Variants in RNLS observed in about 807,000 individuals in gnomAD.
The protein encoded by RNLS is renalase, FAD dependent amine oxidase, also known as renalase.
A neutral mutation model predicts 39.8 loss-of-function variants in RNLS; 39 were observed. The observed-to-expected ratio is 0.98, with a 90% CI of 0.76 to 1.28. RNLS has a LOEUF of 1.28. RNLS is among the 50% of genes most tolerant of loss of function. The pLI is 0.00. For missense variants in RNLS, 410 were observed against 413.3 expected (o/e 0.99, Z 0.07); for synonymous variants, 147 against 150.7 (o/e 0.98, Z 0.18).
At chr10:88,557,186 C>A (rs1440354305) in intron 4 of RNLS, among the ~76,000 whole-genome samples, 1 of 152,060 alleles carries the variant, frequency 6.6e-6, no homozygotes, top group African/African-American at 2.4e-5. Context: ...TTATAAGATG[C>A]AAAAAGTATC....
At chr10:88,504,613 G>A (rs975116013) in intron 4 of RNLS, among the ~76,000 whole-genome samples, 11 of 151,840 alleles carry the variant, frequency 7.2e-5, no homozygotes, top group Non-Finnish European at 1.0e-4. Context: ...GAATAACAAA[G>A]AAACAATTGT....
rs191177629 is a variant in RNLS at position 88,320,665 on chromosome 10, A to G, written c.701-6024T>C. ...TTGCTATTCCTGTGTGAGATAGAAGAGACTTTAAAACAAACACATTAAAAA... is the reference window on the plus strand; with the variant it reads ...TTGCTATTCCTGTGTGAGATAGAAGGGACTTTAAAACAAACACATTAAAAA... On this transcript the variant is annotated intron_variant, in intron 5 of 6. Transcript: ENST00000331772. Among the ~76,000 whole-genome samples the G allele has an allele frequency of 3.5e-4, 53 of 150,360 alleles. 1 individual carries two copies. In the East Asian group the frequency reaches 6.6e-3, roughly 19 times the overall value.
intron 5 of RNLS, among the ~76,000 whole-genome samples, chr10:88,337,090 C>A (rs903551819): frequency 1.3e-5 from 2 of 152,130 alleles, no homozygotes; most frequent in Non-Finnish European, 2.9e-5. Flanking sequence ...ATTGCCCTCA[C>A]AAATTGATTT....
chr10:88,453,510 C>T (rs1003798935), intron 4 of RNLS, among the ~76,000 whole-genome samples: 3 of 152,148 alleles, frequency 2.0e-5, no homozygotes, highest in Admixed American at 2.0e-4. Flanking sequence ...CAGCCCAATC[C>T]AGTTTCTTTC....
chr10:88,227,082 C>T, the RNLS span, among the ~76,000 whole-genome samples: 1 of 152,128 alleles, frequency 6.6e-6, no homozygotes, highest in Non-Finnish European at 1.5e-5. Flanking sequence ...TTTTGGACTA[C>T]AACAGCAGAG....
intron 4 of RNLS, among the ~76,000 whole-genome samples, chr10:88,492,935 T>A (rs930937973): frequency 1.3e-5 from 2 of 152,194 alleles, no homozygotes; most frequent in African/African-American, 4.8e-5. Context: ...GATAAAGTTC[T>A]GAACATGAAA....
At chr10:88,475,073 T>C (rs1190273116) in intron 4 of RNLS, among the ~76,000 whole-genome samples, 3 of 151,982 alleles carry the variant, frequency 2.0e-5, no homozygotes, top group African/African-American at 4.8e-5. Context: ...TCCAAGAAGA[T>C]AGAAAGGTGA....
chr10:88,212,301 C>T, the RNLS span, among the ~76,000 whole-genome samples: 1 of 152,126 alleles, frequency 6.6e-6, no homozygotes, highest in Non-Finnish European at 1.5e-5. Context: ...TTTTCCCCTC[C>T]TCTTGGTACT....
chr10:88,436,014 T>C (rs372611927), intron 4 of RNLS, among the ~76,000 whole-genome samples: 2 of 151,662 alleles, frequency 1.3e-5, no homozygotes, highest in Admixed American at 6.6e-5. Context: ...AGGAGGGAGA[T>C]TGAGGTGGGA....
chr10:88,526,615 C>T (rs550807432), intron 4 of RNLS, among the ~76,000 whole-genome samples: 4 of 151,840 alleles, frequency 2.6e-5, no homozygotes, highest in African/African-American at 2.4e-5. Flanking sequence ...AATTTAAAAA[C>T]GTAGCCAGGC....
the RNLS span, among the ~76,000 whole-genome samples, chr10:88,244,691 C>CT: frequency 0.082 from 10,411 of 126,376 alleles, 407 homozygotes; most frequent in East Asian, 0.14. Context: ...GGTTTTCATG[C>CT]TTTTTTTTTT....
chr10:88,208,756 A>C, the RNLS span, among the ~76,000 whole-genome samples: 1 of 152,244 alleles, frequency 6.6e-6, no homozygotes, highest in Non-Finnish European at 1.5e-5. Flanking sequence ...TAACTACACA[A>C]ATCTTGGAGA....
chr10:88,178,828 A>G, the RNLS span, among the ~76,000 whole-genome samples: 1 of 152,208 alleles, frequency 6.6e-6, no homozygotes, highest in Non-Finnish European at 1.5e-5. Context: ...GGAGAAACAC[A>G]TACTATCTGG....
At chr10:88,326,651 C>T (rs964434002) in intron 5 of RNLS, among the ~76,000 whole-genome samples, 8 of 152,154 alleles carry the variant, frequency 5.3e-5, no homozygotes, top group African/African-American at 7.2e-5. Context: ...CCTGATGATG[C>T]GATAGAAAAC....
At chr10:88,569,075 C>T (rs1368557931) in intron 4 of RNLS, among the ~76,000 whole-genome samples, 2 of 152,158 alleles carry the variant, frequency 1.3e-5, no homozygotes, top group African/African-American at 2.4e-5. Context: ...ACAGGGTGAA[C>T]ATTCTGCACC....
the RNLS span, among the ~76,000 whole-genome samples, chr10:88,207,946 G>A: frequency 1.3e-5 from 2 of 152,120 alleles, no homozygotes; most frequent in Admixed American, 6.6e-5. Flanking sequence ...TGGCTCAGCC[G>A]CCTCATCACA....
chr10:88,314,530 T>C lies in RNLS; in HGVS notation c.812A>G (p.Glu271Gly). ...DVQELVFQQL[E>G]NILPGLPQPI... ...CTGAGGCAAACCCGGCAAAATGTTT[T>C]CCAGCTGCTGGAAGACTAACTCTTG... Residue 271 changes from glutamate (E) to glycine (G), a missense_variant, in exon 6 of 7, where the codon GAA becomes GGA. Physicochemically the swap from Glu to Gly is moderately conservative, Grantham distance 98. Coordinates refer to ENST00000331772, the MANE Select transcript of RNLS (RefSeq NM_001031709.3). 6.2e-7 allele frequency: 1 copy of C among 1,614,024 alleles called. No individual in the cohort carries two copies. The highest frequency in any genetic ancestry group is 8.5e-7 in the Non-Finnish European group (1 of 1,179,894).
the RNLS span, among the ~76,000 whole-genome samples, chr10:88,265,894 C>T: frequency 5.1e-4 from 77 of 152,264 alleles, no homozygotes; most frequent in South Asian, 4.1e-4. Flanking sequence ...TCCCAAATGG[C>T]GAATTAGTCA....
chr10:88,221,221 G>C, the RNLS span, among the ~76,000 whole-genome samples: 2 of 152,138 alleles, frequency 1.3e-5, no homozygotes, highest in Non-Finnish European at 2.9e-5. Context: ...GGCCACCAAG[G>C]TTTAGCCTAG....
Sources: allele counts gnomAD v4.1 joint callset (sites outside exome capture counted in the v4.1 genomes callset), GRCh38; gene constraint gnomAD v4.1.1; transcripts MANE v1.5; gene names NCBI Gene and HGNC (gene_info 2026-07-23, HGNC 2026-07-21).